Variants in SLC35F3 observed in about 807,000 individuals in gnomAD.
SLC35F3 encodes solute carrier family 35 member F3, also known as putative thiamine transporter SLC35F3.
SLC35F3 carries 25 observed loss-of-function variants against 49.9 expected under a neutral mutation model. That is an observed-to-expected ratio of 0.50 (90% confidence interval 0.37 to 0.70). The LOEUF is 0.70. Ranked by LOEUF, SLC35F3 falls within the 30% of genes least tolerant of loss-of-function variation. The pLI, the probability that SLC35F3 is intolerant of heterozygous loss-of-function variation, is 0.00. For missense variants in SLC35F3, 525 were observed against 639.8 expected, an observed-to-expected ratio of 0.82 and a Z score of 1.94; for synonymous variants, 275 against 265.4, an observed-to-expected ratio of 1.04 and a Z score of -0.35.
intron 2 of SLC35F3, among the ~76,000 whole-genome samples, chr1:233,921,532 A>G (rs1282265325): frequency 6.6e-6 from 1 of 152,014 alleles, no homozygotes; most frequent in Non-Finnish European, 1.5e-5. Flanking sequence ...AAAATCCTCC[A>G]TGCTCTACCT....
chr1:233,931,812 TA>T (rs1662246918), intron 2 of SLC35F3, among the ~76,000 whole-genome samples: 1 of 152,250 alleles, frequency 6.6e-6, no homozygotes, highest in African/African-American at 2.4e-5. Flanking sequence ...CAAAGGATTA[TA>T]AATCATGCTA....
At chr1:234,226,960 T>TACACACACACACACACAC (rs1667294830) in intron 2 of SLC35F3, among the ~76,000 whole-genome samples, 1 of 120,792 alleles carries the variant, frequency 8.3e-6, no homozygotes, top group Admixed American at 7.3e-5. Flanking sequence ...CGCGCACGCG[T>TACACACACACACACACAC]GCACACACAC....
intron 2 of SLC35F3, among the ~76,000 whole-genome samples, chr1:233,951,204 A>G (rs1313056874): frequency 6.6e-6 from 1 of 151,650 alleles, no homozygotes. Context: ...TGGACTGCAT[A>G]TGCAATGATG....
intron 2 of SLC35F3, among the ~76,000 whole-genome samples, chr1:233,921,483 A>G (rs1461409715): frequency 6.6e-6 from 1 of 152,164 alleles, no homozygotes; most frequent in African/African-American, 2.4e-5. Context: ...ACGTTTATTC[A>G]CCATTACAGT....
At chr1:234,266,882 T>TTG (rs1553259692) in intron 3 of SLC35F3, among the ~76,000 whole-genome samples, 21 of 147,028 alleles carry the variant, frequency 1.4e-4, no homozygotes, top group African/African-American at 4.3e-4. Context: ...GGTTTTTTTT[T>TTG]TTTTTTTTTT....
At chr1:234,006,278 C>T (rs930151355) in intron 2 of SLC35F3, among the ~76,000 whole-genome samples, 3 of 152,080 alleles carry the variant, frequency 2.0e-5, no homozygotes, top group Admixed American at 6.6e-5. Flanking sequence ...AACCAAGCCA[C>T]GTAAGTTTAT....
At chr1:234,274,655 C>T (rs1668170540) in intron 3 of SLC35F3, among the ~76,000 whole-genome samples, 1 of 152,228 alleles carries the variant, frequency 6.6e-6, no homozygotes, top group Non-Finnish European at 1.5e-5. Flanking sequence ...CTCCTAACCA[C>T]ACTTGGAAAA....
In SLC35F3 at chr1:234,307,697, A is replaced by G. The variant is rs200945741; in HGVS notation, c.609-1404A>G. On this transcript the variant is annotated intron_variant, in intron 3 of 7. Coordinates refer to ENST00000366618, the MANE Select transcript of SLC35F3 (RefSeq NM_173508.4). Reference sequence around the variant, plus strand: ...TGGCAGTTCATTTGGGACTGAGTCTATTTCTAGATCACTAGCAGGCTGACT... The same window carrying G: ...TGGCAGTTCATTTGGGACTGAGTCTGTTTCTAGATCACTAGCAGGCTGACT... Among the ~76,000 whole-genome samples the G allele has an allele frequency of 4.6e-5, 7 of 152,186 alleles. No individual in the cohort carries two copies. In the East Asian group the frequency reaches 1.4e-3, roughly 29 times the overall value.
chr1:234,181,338 G>GAAAAAAAAAAAAAAAGAAAAAAAA (rs1666553199), intron 2 of SLC35F3, among the ~76,000 whole-genome samples: 1 of 97,310 alleles, frequency 1.0e-5, no homozygotes, highest in Non-Finnish European at 2.1e-5. Flanking sequence ...TCTGTCTCAA[G>GAAAAAAAAAAAAAAAGAAAAAAAA]AAAAAAAAAA....
In SLC35F3 at chr1:234,231,781, C is replaced by T. The variant is rs757547667; in HGVS notation, c.608+40C>T. On this transcript the variant is annotated intron_variant, in intron 3 of 7. Coordinates refer to ENST00000366618, the MANE Select transcript of SLC35F3 (RefSeq NM_173508.4). The surrounding 1 kb of genome is among the most constrained non-coding windows in gnomAD (Gnocchi z 5.4). ...CATGAGGAGGCCTCCTGACCCCGGG[C>T]TGCTCCATCCAGCGCTGACTCTGCA... is the stretch of plus-strand genomic sequence containing the variant. 6.4e-7 allele frequency: 1 copy of T among 1,555,642 alleles called. No homozygotes were observed.
At chr1:234,216,218 A>G (rs1011447933) in intron 2 of SLC35F3, among the ~76,000 whole-genome samples, 7 of 152,026 alleles carry the variant, frequency 4.6e-5, no homozygotes, top group African/African-American at 1.7e-4. Flanking sequence ...GTGTCTGCTC[A>G]CTCATAGGGT....
At chr1:234,009,651 T>C (rs749014887) in intron 2 of SLC35F3, among the ~76,000 whole-genome samples, 24 of 152,208 alleles carry the variant, frequency 1.6e-4, no homozygotes, top group Non-Finnish European at 3.4e-4. Context: ...CAGCCTTCAC[T>C]TGTCAGAGTT....
At chr1:233,954,692 C>T (rs1662666744) in intron 2 of SLC35F3, among the ~76,000 whole-genome samples, 1 of 152,214 alleles carries the variant, frequency 6.6e-6, no homozygotes, top group South Asian at 2.1e-4. Flanking sequence ...CCCTTTTCCC[C>T]CCTGCTGAGA....
intron 2 of SLC35F3, among the ~76,000 whole-genome samples, chr1:233,998,281 C>T (rs1193332103): frequency 6.6e-6 from 1 of 151,978 alleles, no homozygotes; most frequent in African/African-American, 2.4e-5. Flanking sequence ...TTGTTATATG[C>T]ATTGGATATC....
intron 2 of SLC35F3, among the ~76,000 whole-genome samples, chr1:233,988,753 C>T (rs1334401490): frequency 1.3e-5 from 2 of 152,156 alleles, no homozygotes; most frequent in Admixed American, 6.5e-5. Context: ...GTTTTGTCCT[C>T]GTTATCCTTT....
chr1:234,039,932 C>T (rs1428321954), intron 2 of SLC35F3, among the ~76,000 whole-genome samples: 1 of 152,170 alleles, frequency 6.6e-6, no homozygotes, highest in Non-Finnish European at 1.5e-5. Context: ...GGGCCCTCTG[C>T]CTCATCACAT....
intron 2 of SLC35F3, among the ~76,000 whole-genome samples, chr1:234,165,177 A>G (rs2102915639): frequency 6.6e-6 from 1 of 152,274 alleles, no homozygotes; most frequent in South Asian, 2.1e-4. Flanking sequence ...GAATATAGTT[A>G]CGGCTTGTTT....
chr1:233,978,970 A>T (rs1426555574), intron 2 of SLC35F3, among the ~76,000 whole-genome samples: 2 of 151,596 alleles, frequency 1.3e-5, no homozygotes, highest in African/African-American at 2.4e-5. Flanking sequence ...TGGGAGGCAG[A>T]GGTTGCAGTG....
Position 233,905,473 on chromosome 1 carries a change from C to G in SLC35F3, c.54-56C>G, listed in dbSNP as rs377364779. 7 of 1,314,978 alleles carry G rather than the reference C, an allele frequency of 5.3e-6. No homozygotes were observed. The East Asian group carries it at 1.7e-4, about 33-fold the overall frequency. The allele number at this position is 1,314,978 out of a possible 1,614,324, so 81.5% of individuals were successfully genotyped here. On this transcript the variant is annotated intron_variant, in intron 1 of 7. Coordinates refer to ENST00000366618, the MANE Select transcript of SLC35F3 (RefSeq NM_173508.4). The stretch of plus-strand genomic sequence containing the variant: ...GGATCTGCTCCTCACGAATCCCCTC[C>G]TCTCTGTCCATGCTCCCCCTGCCCA...
Sources: gnomAD v4.1 joint callset for allele counts (sites outside exome capture counted in the v4.1 genomes callset) on GRCh38, gnomAD v4.1.1 for gene constraint, Gnocchi (gnomAD v3.1) non-coding constraint, MANE v1.5 for transcripts, NCBI Gene and HGNC (gene_info 2026-07-23, HGNC 2026-07-21) for gene names.